The following ZSCAN25 variants were observed in gnomAD, a reference collection of about 807,000 sequenced individuals.
The protein encoded by ZSCAN25 is zinc finger and SCAN domain-containing protein 25.
In ZSCAN25, 27 loss-of-function variants were observed where a neutral mutation model predicts 38.7. The observed-to-expected ratio is 0.70, with a 90% CI of 0.51 to 0.96. The LOEUF is 0.96. ZSCAN25 is among the 40% of genes least tolerant of loss of function. The pLI is 0.00. For synonymous variants in ZSCAN25, 273 were observed against 277.7 expected, an observed-to-expected ratio of 0.98 and a Z score of 0.17; for missense variants, 637 against 705.9, an observed-to-expected ratio of 0.90 and a Z score of 1.11.
At chr7:99,717,724 G>T in the ZSCAN25 span, 1 of 1,489,828 alleles carries the variant, frequency 6.7e-7, no homozygotes, top group Non-Finnish European at 9.2e-7. Context: ...CAGGCATCAT[G>T]TATTTAACAA....
the ZSCAN25 span, chr7:99,699,917 C>A: frequency 6.9e-6 from 9 of 1,307,078 alleles, no homozygotes; most frequent in Admixed American, 8.4e-5. Flanking sequence ...CTGAGTAGCA[C>A]CCCAAGTCCA....
At chr7:99,671,895 T>C in the ZSCAN25 span, 1 of 701,142 alleles carries the variant, frequency 1.4e-6, no homozygotes, top group Non-Finnish European at 2.6e-6. Flanking sequence ...ATGTGAAAAA[T>C]TGCTTAGAAC....
chr7:99,647,147 G>A, the ZSCAN25 span, among the ~76,000 whole-genome samples: 11 of 152,128 alleles, frequency 7.2e-5, no homozygotes, highest in Non-Finnish European at 1.2e-4. Flanking sequence ...CTCACCTCAC[G>A]TGGGTTCTCC....
the ZSCAN25 span, among the ~76,000 whole-genome samples, chr7:99,658,674 T>G: frequency 8.5e-5 from 13 of 152,210 alleles, no homozygotes; most frequent in Non-Finnish European, 1.8e-4. Flanking sequence ...TCCTGCAGAG[T>G]GTTTTCCAAC....
the ZSCAN25 span, chr7:99,647,741 G>A: frequency 4.9e-3 from 4,873 of 985,332 alleles, 157 homozygotes; most frequent in African/African-American, 0.072. Context: ...TTCTGACAAA[G>A]GCCCCACACC....
At chr7:99,623,586 G>A (rs1184529472) in intron 6 of ZSCAN25, among the ~76,000 whole-genome samples, 5 of 152,258 alleles carry the variant, frequency 3.3e-5, no homozygotes, top group African/African-American at 1.2e-4. Flanking sequence ...CTGGATGCCA[G>A]CATCATTTCC....
chr7:99,640,518 G>A, the ZSCAN25 span, among the ~76,000 whole-genome samples: 10,461 of 152,218 alleles, frequency 0.069, 679 homozygotes, highest in South Asian at 0.25. Context: ...CAAACCATCA[G>A]CAAATCTTGC....
At chr7:99,624,300 T>G in intron 7 of ZSCAN25, 120 bp downstream of exon 7, 1 of 1,328,724 alleles carries the variant, frequency 7.5e-7, no homozygotes, top group South Asian at 1.2e-5. Context: ...GGCGGGTAAA[T>G]GGGTCCAGCA....
At chr7:99,735,251 G>C in the ZSCAN25 span, 2 of 1,013,672 alleles carry the variant, frequency 2.0e-6, no homozygotes, top group Admixed American at 4.1e-5. Context: ...CAGGGCTGGA[G>C]CTGCAGCCAG....
chr7:99,652,197 G>T, the ZSCAN25 span: 1 of 148,914 alleles, frequency 6.7e-6, no homozygotes, highest in Non-Finnish European at 1.5e-5. Flanking sequence ...ACATATATAT[G>T]TATATTTATA....
the ZSCAN25 span, among the ~76,000 whole-genome samples, chr7:99,696,412 A>G: frequency 6.6e-6 from 1 of 151,930 alleles, no homozygotes; most frequent in African/African-American, 2.4e-5. Flanking sequence ...CCCTTCTTAA[A>G]CTGTCATTCA....
chr7:99,676,172 C>G, the ZSCAN25 span: 1 of 1,613,778 alleles, frequency 6.2e-7, no homozygotes, highest in Middle Eastern at 1.7e-4. Context: ...CTGGAATTCC[C>G]AGTCTCTTAA....
the ZSCAN25 span, chr7:99,720,282 A>T: frequency 6.2e-7 from 1 of 1,610,190 alleles, no homozygotes; most frequent in Non-Finnish European, 8.5e-7. Flanking sequence ...TCAATCAATG[A>T]GTATTTTAAT....
chr7:99,643,503 T>C, the ZSCAN25 span, among the ~76,000 whole-genome samples: 1 of 152,082 alleles, frequency 6.6e-6, no homozygotes, highest in Non-Finnish European at 1.5e-5. Context: ...CAAATGCATA[T>C]TGAACATTTC....
At chr7:99,720,189 G>T in the ZSCAN25 span, 1 of 1,196,948 alleles carries the variant, frequency 8.4e-7, no homozygotes, top group Non-Finnish European at 1.2e-6. Flanking sequence ...GGGATGGGCA[G>T]GATGAAGTGT....
chr7:99,708,467 C>G, the ZSCAN25 span, among the ~76,000 whole-genome samples: 1 of 151,992 alleles, frequency 6.6e-6, no homozygotes, highest in Non-Finnish European at 1.5e-5. Context: ...TGTCTTACCC[C>G]TCCTTCTCTC....
the ZSCAN25 span, chr7:99,648,344 T>A: frequency 6.2e-7 from 1 of 1,612,552 alleles, no homozygotes; most frequent in Non-Finnish European, 8.5e-7. Context: ...AATCCACCTT[T>A]AGAACAATGG....
At chr7:99,705,402 C>T in the ZSCAN25 span, 37 of 1,333,420 alleles carry the variant, frequency 2.8e-5, no homozygotes, top group East Asian at 4.3e-4. Flanking sequence ...GGATGAAGCC[C>T]GTCTTCATTT....
chr7:99,631,838 C>T lies in ZSCAN25; in HGVS notation c.*1818C>T, dbSNP rs1808022899. The T allele has an allele frequency of 2.0e-6, 2 of 985,470 alleles. No individual in the cohort carries two copies. Among genetic ancestry groups the T allele is most frequent in the Non-Finnish European group, 2.4e-6 (2 of 829,964 alleles). The allele number at this position is 985,470 out of a possible 1,614,324, so 61.0% of individuals were successfully genotyped here. On this transcript the variant is annotated 3_prime_UTR_variant, in exon 8 of 8. Coordinates refer to ENST00000394152, the MANE Select transcript of ZSCAN25 (RefSeq NM_145115.3). Reference sequence around the variant, plus strand: ...GGGTCGTAAATGTATCTGAGATGTCCACACGGGGCTGCTGCTGCTCCTCTG... The same window carrying T: ...GGGTCGTAAATGTATCTGAGATGTCTACACGGGGCTGCTGCTGCTCCTCTG...
Sources: gnomAD v4.1 joint callset for allele counts (sites outside exome capture counted in the v4.1 genomes callset) on GRCh38, gnomAD v4.1.1 for gene constraint, MANE v1.5 for transcripts, NCBI Gene and HGNC (gene_info 2026-07-23, HGNC 2026-07-21) for gene names.